Variants in NF1 observed in about 807,000 individuals in gnomAD.
NF1 encodes neurofibromin 1, also known as neurofibromin.
Under a neutral mutation model 325.7 loss-of-function variants are expected in NF1, and 122 were observed. That is an observed-to-expected ratio of 0.37 (90% CI 0.32 to 0.44). The LOEUF (loss-of-function observed/expected upper bound fraction) is 0.44. Ranked by LOEUF, NF1 falls within the 20% of genes least tolerant of loss-of-function variation. The pLI is 1.00. For synonymous variants in NF1, 1,091 were observed against 1,186.0 expected (o/e 0.92, Z 1.65); for missense variants, 2,140 against 3,415.4 (o/e 0.63, Z 9.31).
chr17:31,110,853 T>G (rs1913336662), intron 1 of NF1, among the ~76,000 whole-genome samples: 2 of 151,980 alleles, frequency 1.3e-5, no homozygotes, highest in Non-Finnish European at 2.9e-5. Flanking sequence ...GGCGCAGGAC[T>G]CTAGGACACT....
At chr17:31,202,017 A>G (rs1028574600) in intron 11 of NF1, among the ~76,000 whole-genome samples, 5 of 152,212 alleles carry the variant, frequency 3.3e-5, no homozygotes, top group African/African-American at 9.6e-5. Flanking sequence ...AAATATTAAC[A>G]TACTTTAAAG....
intron 1 of NF1, among the ~76,000 whole-genome samples, chr17:31,098,933 G>GAAAA (rs556393516): frequency 4.0e-5 from 4 of 100,326 alleles, no homozygotes; most frequent in African/African-American, 1.4e-4. Flanking sequence ...CTCCATCTCA[G>GAAAA]AAAAAAAAAA....
intron 36 of NF1, among the ~76,000 whole-genome samples, chr17:31,319,495 T>C (rs548316684): frequency 2.6e-5 from 4 of 152,156 alleles, no homozygotes; most frequent in African/African-American, 7.2e-5. Flanking sequence ...TAAATGCAAA[T>C]TTTTTTGGTG....
chr17:31,261,919 C>T (rs2151466735), intron 35 of NF1, 62 bp downstream of exon 35: 1 of 1,531,764 alleles, frequency 6.5e-7, no homozygotes, highest in Non-Finnish European at 9.0e-7. Context: ...GAGTTTGCCA[C>T]CAGGCCACTT....
intron 13 of NF1, among the ~76,000 whole-genome samples, chr17:31,218,022 A>G (rs1455734769): frequency 2.6e-5 from 4 of 151,620 alleles, no homozygotes; most frequent in Non-Finnish European, 5.9e-5. Flanking sequence ...TTTTTCCACG[A>G]TGAAAAGGAC....
intron 13 of NF1, 128 bp from the exon 14 acceptor site, chr17:31,218,877 C>G (rs1813614514): frequency 3.1e-6 from 3 of 980,626 alleles, no homozygotes; most frequent in African/African-American, 3.3e-5. Context: ...CAGCCTAGTT[C>G]TAGAACATTG....
At chr17:31,313,831 ATTTT>A (rs1185058079) in intron 36 of NF1, 2 of 381,758 alleles carry the variant, frequency 5.2e-6, no homozygotes, top group African/African-American at 4.2e-5. Flanking sequence ...TGAACTGAGT[ATTTT>A]TTAATTCTAT....
chr17:31,371,494 C>A (rs1242003370), intron 57 of NF1, among the ~76,000 whole-genome samples: 3 of 152,194 alleles, frequency 2.0e-5, no homozygotes, highest in Non-Finnish European at 4.4e-5. Context: ...GAGCAGCTTT[C>A]TTTCAGTTTT....
intron 8 of NF1, among the ~76,000 whole-genome samples, chr17:31,190,530 A>G (rs1303238448): frequency 6.6e-6 from 1 of 152,228 alleles, no homozygotes; most frequent in Non-Finnish European, 1.5e-5. Flanking sequence ...CATTCCTTTC[A>G]GTATTAGGTA....
At chr17:31,159,425 G>A (rs970283236) in intron 3 of NF1, among the ~76,000 whole-genome samples, 10 of 152,132 alleles carry the variant, frequency 6.6e-5, no homozygotes, top group Admixed American at 3.9e-4. Flanking sequence ...GGGAGAGTGC[G>A]ATTCAGAAGT....
At chr17:31,304,310 G>T (rs376120789) in intron 36 of NF1, 2 of 1,613,834 alleles carry the variant, frequency 1.2e-6, no homozygotes, top group Non-Finnish European at 1.7e-6. Flanking sequence ...TTAAGATCTT[G>T]ATCAGAGTTG....
chr17:31,303,556 T>C (rs1000515480), intron 36 of NF1, among the ~76,000 whole-genome samples: 2 of 152,190 alleles, frequency 1.3e-5, no homozygotes, highest in Non-Finnish European at 2.9e-5. Context: ...TTTTTTGCTT[T>C]ATAAAACTTG....
intron 57 of NF1, chr17:31,367,284 CTT>C: frequency 7.6e-7 from 1 of 1,308,956 alleles, no homozygotes; most frequent in Non-Finnish European, 1.0e-6. Context: ...TCAAGGTACT[CTT>C]TATTTTCATC....
chr17:31,357,446 G>A, intron 54 of NF1, 77 bp downstream of exon 54: 1 of 1,142,694 alleles, frequency 8.8e-7, no homozygotes, highest in Non-Finnish European at 1.3e-6. Context: ...ATGTGCACTG[G>A]TTGCAAAGAG....
At chr17:31,215,575 G>A (rs1456366029) in intron 13 of NF1, among the ~76,000 whole-genome samples, 1 of 152,156 alleles carries the variant, frequency 6.6e-6, no homozygotes, top group African/African-American at 2.4e-5. Context: ...TAGGAACAAT[G>A]CCTGGTGCAT....
At chr17:31,322,695 A>AT (rs1048851938) in intron 36 of NF1, among the ~76,000 whole-genome samples, 2 of 151,702 alleles carry the variant, frequency 1.3e-5, no homozygotes, top group African/African-American at 4.8e-5. Context: ...AAAGAACTTT[A>AT]TTTTTTCTTT....
In NF1 at chr17:31,293,785, T is replaced by G. The variant is rs147409263; in HGVS notation, c.4835+28446T>G. Reference sequence around the variant, plus strand: ...ACATTTGTGTCTCACCCATCTCAGTTATGCTGTCTTGCATTTTAATCAATC... The same window carrying G: ...ACATTTGTGTCTCACCCATCTCAGTGATGCTGTCTTGCATTTTAATCAATC... On this transcript the variant is annotated intron_variant, in intron 36 of 57. Coordinates refer to ENST00000358273, the MANE Select transcript of NF1 (RefSeq NM_001042492.3). Among the ~76,000 whole-genome samples the G allele has an allele frequency of 3.1e-3, 475 of 152,382 alleles. 1 individual carries two copies. The highest frequency in any genetic ancestry group is 0.011 in the African/African-American group (441 of 41,596).
intron 1 of NF1, among the ~76,000 whole-genome samples, chr17:31,116,314 GAATTA>G (rs542606012): frequency 2.6e-4 from 40 of 152,214 alleles, no homozygotes; most frequent in African/African-American, 2.4e-4. Context: ...GAGATAGGAT[GAATTA>G]AATTAAAGAA....
intron 36 of NF1, chr17:31,317,706 AG>A (rs1483779672): frequency 3.3e-5 from 5 of 152,210 alleles, no homozygotes; most frequent in African/African-American, 1.2e-4. Context: ...ACAAAAGTAA[AG>A]GTTTTAATTT....
Sources: gnomAD v4.1 joint callset for allele counts (sites outside exome capture counted in the v4.1 genomes callset) on GRCh38, gnomAD v4.1.1 for gene constraint, MANE v1.5 for transcripts, NCBI Gene and HGNC (gene_info 2026-07-23, HGNC 2026-07-21) for gene names.